Variants in A2M observed in about 807,000 individuals in gnomAD.
A2M encodes alpha-2-macroglobulin.
A2M carries 128 observed loss-of-function variants against 183.9 expected under a neutral mutation model. The observed-to-expected ratio is 0.70, with a 90% CI of 0.60 to 0.81. The LOEUF (loss-of-function observed/expected upper bound fraction) is 0.81. A2M is among the 30% of genes least tolerant of loss of function. The pLI is 0.00. For missense variants in A2M, 1,495 were observed against 1,787.6 expected, an observed-to-expected ratio of 0.84 and a Z score of 2.95; for synonymous variants, 592 against 670.8, an observed-to-expected ratio of 0.88 and a Z score of 1.81.
In A2M at chr12:9,074,730, A is replaced by T. The variant is rs1200487057; in HGVS notation, c.3586T>A (p.Phe1196Ile). 1 of 1,613,944 alleles carries T rather than the reference A, an allele frequency of 6.2e-7. No individual in the cohort carries two copies. The highest frequency in any genetic ancestry group is 8.5e-7 in the Non-Finnish European group (1 of 1,179,964). Residue 1196 changes from phenylalanine to isoleucine, a missense_variant, in exon 29 of 36, where the codon TTT becomes ATT. Transcript: ENST00000318602. The stretch of plus-strand genomic sequence containing the variant: ...GCAGAGGGAGCCTGGGGTTCGTAAA[A>T]ATGCCCCACTGGTGCCTTGGGTTTC... Reference protein sequence around the residue: ...PQKPKAPVGHFYEPQAPSAEV... With the variant: ...PQKPKAPVGHIYEPQAPSAEV...
intron 17 of A2M, 131 bp downstream of exon 17, chr12:9,094,842 G>C: frequency 2.3e-6 from 1 of 431,504 alleles, no homozygotes; most frequent in Non-Finnish European, 4.0e-6. Flanking sequence ...ATATGACCTT[G>C]AGCAATAACC....
chr12:9,087,579 G>T (rs1592354209), intron 22 of A2M, among the ~76,000 whole-genome samples: 1 of 152,072 alleles, frequency 6.6e-6, no homozygotes, highest in South Asian at 2.1e-4. Context: ...TTCTTTTTGG[G>T]ATCTATTGCA....
At position 9,098,425 on chromosome 12, in the gene A2M, A is replaced by C. The variant is rs1644359833; in HGVS notation, c.1851+182T>G. 3.4e-5 allele frequency: 12 copies of C among 357,082 alleles called. 1 individual carries two copies. The highest frequency in any genetic ancestry group is 9.1e-6 in the Non-Finnish European group (2 of 220,104). The allele number at this position is 357,082 out of a possible 1,614,324, so 22.1% of individuals were successfully genotyped here. A position where few individuals can be genotyped will look rare whatever the true frequency, so the allele number is the denominator to read the frequency against. On this transcript the variant is annotated intron_variant, in intron 15 of 35. Transcript: ENST00000318602. ...GTTTATTTTTTTAACTGCAGAAGTG[A>C]GTAGTTATATATATATATATATATA...
chr12:9,097,910 C>T (rs1452991988), intron 15 of A2M, among the ~76,000 whole-genome samples: 3 of 152,192 alleles, frequency 2.0e-5, no homozygotes, highest in Non-Finnish European at 4.4e-5. Context: ...GGATTACAGG[C>T]GTGAGCCACC....
chr12:9,080,178 C>G lies in A2M; in HGVS notation c.2771-1G>C. ...GATAATTCTTCAGAAACCTCACCAC[C>G]TAGAGAAATAAGCAAATCAGACATA... is the stretch of plus-strand genomic sequence containing the variant. On this transcript the variant is annotated splice_acceptor_variant, in intron 22 of 35. Coordinates refer to ENST00000318602, the MANE Select transcript of A2M (RefSeq NM_000014.6). LOFTEE classifies it high-confidence loss of function. The G allele has an allele frequency of 6.4e-7, 1 of 1,570,434 alleles. No homozygotes were observed. Among genetic ancestry groups the G allele is most frequent in the Non-Finnish European group, 8.7e-7 (1 of 1,153,466 alleles).
At chr12:9,087,213 T>G (rs1734137961) in intron 22 of A2M, among the ~76,000 whole-genome samples, 1 of 144,268 alleles carries the variant, frequency 6.9e-6, no homozygotes, top group African/African-American at 2.7e-5. Flanking sequence ...GCAATCTACA[T>G]ATTGAATGTA....
At position 9,079,280 on chromosome 12, in the gene A2M, A is replaced by G. The variant is rs779523142; in HGVS notation, c.3083T>C (p.Phe1028Ser). The change falls in exon 25 of 36, where the codon TTT becomes TCT. Residue 1028 changes from phenylalanine (F) to serine (S), a missense_variant. Transcript: ENST00000318602. ...YKHYDGSYST[F>S]GERYGRNQGN... ...CTGGTTCCTGCCATATCGCTCCCCA[A>G]AGGTGCTGTAGGAGCCATCATAGTG... 1.9e-6 allele frequency: 3 copies of G among 1,613,608 alleles called. No individual in the cohort carries two copies. The highest frequency in any genetic ancestry group is 2.5e-6 in the Non-Finnish European group (3 of 1,179,794).
chr12:9,113,499 G>A lies in A2M; in HGVS notation c.131C>T (p.Thr44Ile). 1 of 1,613,950 alleles carries A rather than the reference G, an allele frequency of 6.2e-7. No individual in the cohort carries two copies. Among genetic ancestry groups the A allele is most frequent in the Non-Finnish European group, 8.5e-7 (1 of 1,179,946 alleles). Reference protein sequence around the residue: ...LVPSLLHTETTEKGCVLLSYL... With the variant: ...LVPSLLHTETIEKGCVLLSYL... ...GCTCAGAAGGACACAGCCCTTCTCA[G>A]TGGTCTCAGTGTGGAGCAGGGAGGG... The change falls in exon 2 of 36, where the codon ACT (threonine) becomes ATT (isoleucine). Residue 44 changes from threonine to isoleucine, a missense_variant. Thr to Ile is a moderately conservative substitution (Grantham distance 89, BLOSUM62 -1). Coordinates refer to ENST00000318602, the MANE Select transcript of A2M (RefSeq NM_000014.6).
At position 9,068,094 on chromosome 12, in the gene A2M, A is replaced by C. The variant is rs1948449096; in HGVS notation, c.4408+89T>G. 2.8e-6 allele frequency: 4 copies of C among 1,439,680 alleles called. No homozygotes were observed. The South Asian group carries it at 4.9e-5, about 18-fold the overall frequency. The allele number at this position is 1,439,680 out of a possible 1,614,324, so 89.2% of individuals were successfully genotyped here. ...GTGAGTAATTTGATGTTTTTGACAAATATTTACCCAGCGTTTTATGAAGGA... is the reference window on the plus strand; with the variant it reads ...GTGAGTAATTTGATGTTTTTGACAACTATTTACCCAGCGTTTTATGAAGGA... On this transcript the variant is annotated intron_variant, in intron 35 of 35. Transcript: ENST00000318602.
chr12:9,080,144 AG>A lies in A2M; in HGVS notation c.2803del (p.Leu935CysfsTer6). 1 of 1,588,568 alleles carries A rather than the reference AG, an allele frequency of 6.3e-7. No individual in the cohort carries two copies. Among genetic ancestry groups the A allele is most frequent in the Non-Finnish European group, 8.6e-7 (1 of 1,166,734 alleles). Reference sequence around the variant, plus strand: ...AGATTCTTCTACCACATTTGGTGGCAGTTTCAGGGATAATTCTTCAGAAACC... The same window carrying A: ...AGATTCTTCTACCACATTTGGTGGCATTTCAGGGATAATTCTTCAGAAACC... ...GEVSEELSLK[L>X]PPNVVEESAR... On this transcript the variant is annotated frameshift_variant, in exon 23 of 36. Coordinates refer to ENST00000318602, the MANE Select transcript of A2M (RefSeq NM_000014.6). LOFTEE classifies it high-confidence loss of function.
chr12:9,089,989 T>C lies in A2M; in HGVS notation c.2631A>G (p.Leu877=), dbSNP rs1265288062. 3.1e-6 allele frequency: 5 copies of C among 1,606,092 alleles called. No homozygotes were observed. Among genetic ancestry groups the C allele is most frequent in the African/African-American group, 1.3e-5 (1 of 74,908 alleles). The change falls in exon 21 of 36, where the codon CTA becomes CTG. Residue 877 remains leucine (L), a synonymous_variant. Coordinates refer to ENST00000318602, the MANE Select transcript of A2M (RefSeq NM_000014.6). ...NVNFTVSAEA[L]ESQELCGTEV... is the part of the protein sequence containing the mutation. ...CAGTCCCACACAGCTCTTGAGACTC[T>C]AGTGCCTCTGCGCTCACAGTGAAAT...
intron 22 of A2M, 107 bp downstream of exon 22, chr12:9,089,093 C>A: frequency 1.1e-6 from 1 of 874,650 alleles, no homozygotes; most frequent in Non-Finnish European, 1.8e-6. Flanking sequence ...ATTGATGGTG[C>A]TTCAGGTCTT....
chr12:9,114,640 G>A (rs1235097226), intron 1 of A2M, among the ~76,000 whole-genome samples: 1 of 151,568 alleles, frequency 6.6e-6, no homozygotes, highest in Non-Finnish European at 1.5e-5. Flanking sequence ...AAAAAATGTT[G>A]TGAATTATTC....
At chr12:9,097,418 A>G (rs984028270) in intron 15 of A2M, among the ~76,000 whole-genome samples, 2 of 152,196 alleles carry the variant, frequency 1.3e-5, no homozygotes, top group Admixed American at 6.5e-5. Context: ...GCAAACTACT[A>G]TTAGTACATG....
intron 33 of A2M, 48 bp from the exon 34 acceptor site, chr12:9,068,890 C>G (rs376535593): frequency 7.3e-5 from 101 of 1,378,302 alleles, no homozygotes; most frequent in East Asian, 4.2e-4. Flanking sequence ...GCTTTCTTCT[C>G]TCTTTGAATT....
In A2M at chr12:9,096,436, A is replaced by G. The variant is rs142726062; in HGVS notation, c.1852-736T>C. Among the ~76,000 whole-genome samples the G allele has an allele frequency of 2.4e-3, 368 of 152,336 alleles. 1 individual carries two copies. Among genetic ancestry groups the G allele is most frequent in the African/African-American group, 8.5e-3 (354 of 41,576 alleles). ...TGAGCAACTGACTCAGTATATAGCA[A>G]AGTTAATGGGTGCATGTTCTAAACA... is the stretch of plus-strand genomic sequence containing the variant. On this transcript the variant is annotated intron_variant, in intron 15 of 35. Coordinates refer to ENST00000318602, the MANE Select transcript of A2M (RefSeq NM_000014.6).
chr12:9,116,142 A>G (rs1939103577), upstream of A2M: 2 of 382,790 alleles, frequency 5.2e-6, no homozygotes, highest in Admixed American at 7.3e-5. Flanking sequence ...ACCGTACAGC[A>G]GCTAATAAGC....
intron 29 of A2M, among the ~76,000 whole-genome samples, 195 bp downstream of exon 29, chr12:9,074,365 G>A (rs1805661): frequency 0.52 from 78,921 of 151,914 alleles, 21,133 homozygotes; most frequent in Non-Finnish European, 0.55. Flanking sequence ...GGGGTGCCGG[G>A]ATTCTGAGCA....
rs1484024788 is a variant in A2M at position 9,090,336 on chromosome 12, T to C, written c.2596+20A>G. 6.2e-7 allele frequency: 1 copy of C among 1,613,974 alleles called. No homozygotes were observed. The highest frequency in any genetic ancestry group is 2.2e-5 in the East Asian group (1 of 44,882). On this transcript the variant is annotated intron_variant, in intron 20 of 35. Transcript: ENST00000318602. ...TACAATCTTTGAGTAGAGAATTATC[T>C]CTAGCAGTTTTTTGCTCACCTAATG...
Sources: gnomAD v4.1 joint callset for allele counts (sites outside exome capture counted in the v4.1 genomes callset) on GRCh38, gnomAD v4.1.1 for gene constraint, MANE v1.5 for transcripts, NCBI Gene and HGNC (gene_info 2026-07-23, HGNC 2026-07-21) for gene names.